Variants in KIAA2012 observed in about 807,000 individuals in gnomAD.
KIAA2012 encodes the protein uncharacterized protein KIAA2012.
In KIAA2012, 125 loss-of-function variants were observed where a neutral mutation model predicts 150.6. That is an observed-to-expected ratio of 0.83 (90% confidence interval 0.72 to 0.96). The LOEUF is 0.96. KIAA2012 is among the 40% of genes least tolerant of loss of function. The pLI, the probability that KIAA2012 is intolerant of heterozygous loss-of-function variation, is 0.00. For synonymous variants in KIAA2012, 462 were observed against 504.7 expected (o/e 0.92, Z 1.13); for missense variants, 1,219 against 1,354.9 (o/e 0.90, Z 1.57).
intron 23 of KIAA2012, among the ~76,000 whole-genome samples, chr2:202,203,598 G>C (rs1279715617): frequency 6.6e-6 from 1 of 152,196 alleles, no homozygotes; most frequent in Non-Finnish European, 1.5e-5. Flanking sequence ...ACCGGCTACT[G>C]TATTGGAAAG....
At chr2:202,171,128 C>T (rs1252856540) in intron 15 of KIAA2012, among the ~76,000 whole-genome samples, 2 of 151,258 alleles carry the variant, frequency 1.3e-5, no homozygotes, top group African/African-American at 4.9e-5. Flanking sequence ...CACACACACA[C>T]ACACACACAC....
intron 13 of KIAA2012, among the ~76,000 whole-genome samples, chr2:202,140,565 G>A (rs1248559682): frequency 6.6e-6 from 1 of 152,168 alleles, no homozygotes; most frequent in Non-Finnish European, 1.5e-5. Context: ...GGAGGTGGGG[G>A]TGACTTCCTG....
chr2:202,100,046 T>C (rs1690001604), intron 6 of KIAA2012, among the ~76,000 whole-genome samples: 1 of 152,202 alleles, frequency 6.6e-6, no homozygotes, highest in Admixed American at 6.5e-5. Context: ...ATCTTGGACA[T>C]ATTAACCAAT....
intron 2 of KIAA2012, among the ~76,000 whole-genome samples, chr2:202,079,053 T>C (rs1915819): frequency 0.48 from 72,739 of 151,924 alleles, 18,356 homozygotes; most frequent in Non-Finnish European, 0.56. Context: ...AAAAATTAGC[T>C]GGGAGTGGTG....
At chr2:202,088,197 C>A (rs1317343729) in intron 2 of KIAA2012, among the ~76,000 whole-genome samples, 3 of 152,044 alleles carry the variant, frequency 2.0e-5, no homozygotes, top group Non-Finnish European at 4.4e-5. Context: ...GGAACCAATT[C>A]CCCACAGATA....
At position 202,138,487 on chromosome 2, in the gene KIAA2012, G is replaced by T; in HGVS notation, c.1887G>T (p.Leu629Phe). ...LHMNLYETSP[L>F]TQTTEKQGAQ... ...TGAACCTTTATGAAACCTCACCGTT[G>T]ACCCAAACAACAGAGAAGCAGGTAT... Residue 629 changes from leucine (L) to phenylalanine (F), a missense_variant, in exon 13 of 24, where the codon TTG (leucine) becomes TTT (phenylalanine). Leu to Phe is a conservative substitution (Grantham distance 22, BLOSUM62 0). Transcript: ENST00000498697. 1.9e-6 allele frequency: 3 copies of T among 1,550,242 alleles called. No individual in the cohort carries two copies. The South Asian group carries it at 3.6e-5, about 18-fold the overall frequency.
At chr2:202,079,618 A>G (rs1439063861) in intron 2 of KIAA2012, among the ~76,000 whole-genome samples, 1 of 152,228 alleles carries the variant, frequency 6.6e-6, no homozygotes, top group East Asian at 1.9e-4. Flanking sequence ...TTGATGGCCC[A>G]ACTCCTTACG....
At chr2:202,192,536 C>T (rs890813656) in intron 19 of KIAA2012, among the ~76,000 whole-genome samples, 4 of 151,322 alleles carry the variant, frequency 2.6e-5, no homozygotes, top group Admixed American at 6.6e-5. Context: ...CGGCTCACCG[C>T]AACCTCTGCC....
chr2:202,154,103 G>A (rs1238048266), intron 13 of KIAA2012, among the ~76,000 whole-genome samples: 1 of 152,218 alleles, frequency 6.6e-6, no homozygotes, highest in African/African-American at 2.4e-5. Flanking sequence ...TCCTCTGTTA[G>A]CTCATTCTTC....
At chr2:202,182,977 A>G (rs1692151739) in intron 15 of KIAA2012, among the ~76,000 whole-genome samples, 1 of 152,200 alleles carries the variant, frequency 6.6e-6, no homozygotes, top group Admixed American at 6.5e-5. Context: ...TAAAGTAACT[A>G]AAACAAGATG....
chr2:202,109,437 T>A (rs1690287954), intron 9 of KIAA2012, among the ~76,000 whole-genome samples, 176 bp from the exon 10 acceptor site: 1 of 152,068 alleles, frequency 6.6e-6, no homozygotes, highest in Non-Finnish European at 1.5e-5. Context: ...TGAGAATGAG[T>A]GGAATAAACC....
intron 6 of KIAA2012, among the ~76,000 whole-genome samples, chr2:202,100,052 C>T (rs1465649604): frequency 6.6e-6 from 1 of 152,138 alleles, no homozygotes; most frequent in African/African-American, 2.4e-5. Context: ...GACATATTAA[C>T]CAATATTGCT....
chr2:202,175,230 T>C (rs1691966844), intron 15 of KIAA2012, among the ~76,000 whole-genome samples: 1 of 152,256 alleles, frequency 6.6e-6, no homozygotes, highest in African/African-American at 2.4e-5. Flanking sequence ...ACATGTCCTG[T>C]AAGTTAACAC....
At chr2:202,175,645 T>A (rs1442264505) in intron 15 of KIAA2012, among the ~76,000 whole-genome samples, 1 of 152,168 alleles carries the variant, frequency 6.6e-6, no homozygotes, top group African/African-American at 2.4e-5. Context: ...ACACTGAATG[T>A]CCCCAGACAC....
At position 202,135,997 on chromosome 2, in the gene KIAA2012, A is replaced by T. The variant is rs757121066; in HGVS notation, c.1832-2435A>T. 352 of 324,606 alleles carry T rather than the reference A, an allele frequency of 1.1e-3. 1 individual carries two copies. The highest frequency in any genetic ancestry group is 2.6e-3 in the East Asian group (28 of 10,606). 20.1% of individuals were successfully genotyped at this position (324,606 alleles called of 1,614,324 possible). ...TCCCCCAAGCTGATTCAAATTTAAA[A>T]AAAAAAAAAATTTTTTTTGAAACAG... On this transcript the variant is annotated intron_variant, in intron 12 of 23. Transcript: ENST00000498697.
At chr2:202,145,186 T>C (rs1399200888) in intron 13 of KIAA2012, among the ~76,000 whole-genome samples, 1 of 152,196 alleles carries the variant, frequency 6.6e-6, no homozygotes, top group African/African-American at 2.4e-5. Flanking sequence ...TTGTTTCTTG[T>C]TTCTAAAGTC....
At chr2:202,076,379 A>ATT (rs1689324355) in intron 2 of KIAA2012, among the ~76,000 whole-genome samples, 1 of 152,098 alleles carries the variant, frequency 6.6e-6, no homozygotes, top group Non-Finnish European at 1.5e-5. Flanking sequence ...TTGTTGGACA[A>ATT]TTTATCACCT....
intron 3 of KIAA2012, 102 bp from the exon 4 acceptor site, chr2:202,092,928 C>T: frequency 9.9e-7 from 1 of 1,014,024 alleles, no homozygotes; most frequent in Non-Finnish European, 1.4e-6. Flanking sequence ...TGGGCAATGT[C>T]CAAAGCCAAG....
At chr2:202,204,390 G>A (rs1158329314) in intron 23 of KIAA2012, among the ~76,000 whole-genome samples, 7 of 152,080 alleles carry the variant, frequency 4.6e-5, no homozygotes, top group South Asian at 4.2e-4. Flanking sequence ...GATGAGACTT[G>A]ATTAGATATT....
Sources: allele counts gnomAD v4.1 joint callset (sites outside exome capture counted in the v4.1 genomes callset), GRCh38; gene constraint gnomAD v4.1.1; transcripts MANE v1.5; gene names NCBI Gene and HGNC (gene_info 2026-07-23, HGNC 2026-07-21).